Variants in FGF13 observed in about 807,000 individuals in gnomAD.
FGF13 encodes the protein fibroblast growth factor 13.
In FGF13, 2 loss-of-function variants were observed where a neutral mutation model predicts 19.5. The observed-to-expected ratio is 0.10, with a 90% CI of 0.04 to 0.32. The LOEUF is 0.32. Ranked by LOEUF, FGF13 falls within the 10% of genes least tolerant of loss-of-function variation. The pLI is 1.00. For missense variants in FGF13, 113 were observed against 192.7 expected (o/e 0.59, Z 2.45); for synonymous variants, 72 against 76.9 (o/e 0.94, Z 0.33).
intron 1 of FGF13, among the ~76,000 whole-genome samples, chrX:139,138,749 A>T (rs1487581775): frequency 1.8e-5 from 2 of 110,810 alleles, no homozygotes; most frequent in African/African-American, 6.6e-5. Flanking sequence ...TTCATATCTG[A>T]TCCTCCTGGC....
At chrX:138,742,172 C>T (rs754760812), upstream of FGF13, among the ~76,000 whole-genome samples, 2 of 112,329 alleles carry the variant, frequency 1.8e-5, no homozygotes, top group South Asian at 7.4e-4. Flanking sequence ...TACCCAGCTG[C>T]TTACATGTTC....
chrX:138,896,404 C>A (rs974007329), intron 1 of FGF13, among the ~76,000 whole-genome samples: 3 of 111,395 alleles, frequency 2.7e-5, no homozygotes, highest in African/African-American at 9.8e-5. Context: ...AGTCATAAAT[C>A]ATTTTCACCT....
intron 1 of FGF13, among the ~76,000 whole-genome samples, chrX:139,146,392 G>C (rs1207128419): frequency 6.8e-4 from 76 of 112,492 alleles, no homozygotes; most frequent in Non-Finnish European, 1.4e-3. Context: ...CCGGCCATCA[G>C]AGAAATGCAA....
intron 1 of FGF13, among the ~76,000 whole-genome samples, chrX:138,930,334 GTTCA>G (rs891373106): frequency 1.3e-4 from 15 of 112,187 alleles, no homozygotes; most frequent in African/African-American, 4.9e-4. Flanking sequence ...TAACTGCTGT[GTTCA>G]TTTATTTAGT....
chrX:138,761,569 A>G (rs2124330201), intron 3 of FGF13, among the ~76,000 whole-genome samples: 1 of 111,521 alleles, frequency 9.0e-6, no homozygotes, highest in East Asian at 2.9e-4. Context: ...GCACTTCCTC[A>G]TGATGTCTGC....
At chrX:138,797,538 C>A (rs7057018) in intron 3 of FGF13, among the ~76,000 whole-genome samples, 1 of 110,982 alleles carries the variant, frequency 9.0e-6, no homozygotes, top group African/African-American at 3.3e-5. Flanking sequence ...CTTGACTATA[C>A]GGGTTCTTTT....
chrX:139,167,874 T>C (rs150379372), intron 1 of FGF13, among the ~76,000 whole-genome samples: 1,989 of 112,262 alleles, frequency 0.018, 46 homozygotes, highest in African/African-American at 0.06. Context: ...ATAAGTGCTG[T>C]GGATTAATAA....
intron 1 of FGF13, among the ~76,000 whole-genome samples, chrX:138,734,738 T>C (rs981443951): frequency 1.8e-5 from 2 of 111,934 alleles, no homozygotes; most frequent in Non-Finnish European, 3.8e-5. Context: ...TTTTGTGTTA[T>C]TTTGGTTATA....
At chrX:139,204,113 C>T, upstream of FGF13, 1 of 1,209,891 alleles carries the variant, frequency 8.3e-7, no homozygotes. Context: ...CTCATAGATC[C>T]CAGCTTGCTT....
rs1230481377 is a variant in FGF13, at chrX:138,630,119, ATTAAT to A, written c.*2726_*2730del. ...AGGTTTGAGGACTATTTATTTACTT[ATTAAT>A]TTATTTTAACACCACTGTCTGTTTA... On this transcript the variant is annotated 3_prime_UTR_variant, in exon 5 of 5. Coordinates refer to ENST00000315930, the MANE Select transcript of FGF13 (RefSeq NM_004114.5). The A allele has an allele frequency of 9.0e-6, 1 of 110,715 alleles. No individual in the cohort carries two copies. The highest frequency in any genetic ancestry group is 1.9e-5 in the Non-Finnish European group (1 of 52,971). The allele number at this position is 110,715 out of a possible 1,213,427, so 9.1% of individuals were successfully genotyped here. A position where few individuals can be genotyped will look rare whatever the true frequency, so the allele number is the denominator to read the frequency against.
Position 138,969,946 on chromosome X carries a change from G to A in FGF13, c.-112-105296C>T, listed in dbSNP as rs140543946. Among the ~76,000 whole-genome samples, 354 of 111,831 alleles carry A rather than the reference G, an allele frequency of 3.2e-3. 3 individuals are homozygous for A. Among genetic ancestry groups the A allele is most frequent in the Middle Eastern group, 0.019 (4 of 215 alleles). On this transcript the variant is annotated intron_variant, in intron 1 of 2. Coordinates refer to the FGF13 transcript ENST00000421460. ...ACAATCTTAGACTAAAATAAGTGAA[G>A]CTATAGAGAATTGAGTGTGCGTGTC... is the stretch of plus-strand genomic sequence containing the variant.
In FGF13 at chrX:138,711,178, T is replaced by C; in HGVS notation, c.-175A>G. On this transcript the variant is annotated 5_prime_UTR_variant, in exon 1 of 5. It removes an upstream start codon present in the reference 5' UTR. Coordinates refer to ENST00000315930, the MANE Select transcript of FGF13 (RefSeq NM_004114.5). ...CTTCAGCCAAGGAGGGGGCTCAGCA[T>C]GCCGTCCGAGCTCCTCCGGCGGCGG... 2 of 1,067,934 alleles carry C rather than the reference T, an allele frequency of 1.9e-6. No individual in the cohort carries two copies. Among genetic ancestry groups the C allele is most frequent in the Non-Finnish European group, 1.2e-6 (1 of 830,969 alleles). The allele number at this position is 1,067,934 out of a possible 1,213,427, so 88.0% of individuals were successfully genotyped here.
chrX:138,670,764 T>C (rs1335085946), intron 3 of FGF13, among the ~76,000 whole-genome samples: 1 of 111,845 alleles, frequency 8.9e-6, no homozygotes, highest in Non-Finnish European at 1.9e-5. Context: ...CAAACTTTTC[T>C]GGAATACTCA....
At chrX:138,855,728 C>A (rs1399820213), downstream of FGF13, among the ~76,000 whole-genome samples, 1 of 111,745 alleles carries the variant, frequency 8.9e-6, no homozygotes, top group South Asian at 3.7e-4. Context: ...ATATTCATAA[C>A]AGTATTTACA....
chrX:139,086,432 G>A (rs2083403783), intron 1 of FGF13, among the ~76,000 whole-genome samples: 1 of 112,276 alleles, frequency 8.9e-6, no homozygotes, highest in Admixed American at 9.5e-5. Flanking sequence ...AAGTGTCTGG[G>A]AACTAGATAG....
chrX:138,779,999 G>A lies in FGF13; in HGVS notation c.218-71071C>T, dbSNP rs1244968864. On this transcript the variant is annotated intron_variant, in intron 3 of 6. Coordinates refer to the FGF13 transcript ENST00000436198. ...AACCCTACAAGCCAGAAGAGAGTGG[G>A]GGCCAATATTCAACATTCTTAAAGA... 6.9e-5 allele frequency among the ~76,000 whole-genome samples: 7 copies of A among 101,301 alleles called. No individual in the cohort carries two copies. In the South Asian group the frequency reaches 2.6e-3, roughly 38 times the overall value. 88.0% of individuals were successfully genotyped at this position (101,301 alleles called of 115,157 possible).
intron 1 of FGF13, among the ~76,000 whole-genome samples, chrX:139,138,926 CTT>C (rs758384021): frequency 0.025 from 2,136 of 85,460 alleles, 58 homozygotes; most frequent in African/African-American, 0.088. Context: ...TGTTATTTAT[CTT>C]TTTTTTTTTT....
At position 139,065,498 on chromosome X, in the gene FGF13, A is replaced by AAG. The variant is rs1556350639; in HGVS notation, c.-113+137917_-113+137918insCT. ...ACGGAAAGCAAAAAAAAAAAAAAGA[A>AAG]AAAGAAAAAAGAAAGGGGGGTTGCA... is the stretch of plus-strand genomic sequence containing the variant. On this transcript the variant is annotated intron_variant, in intron 1 of 2. Transcript: ENST00000421460. Among the ~76,000 whole-genome samples the AAG allele has an allele frequency of 5.3e-3, 444 of 84,199 alleles. 6 individuals carry two copies. Among genetic ancestry groups the AAG allele is most frequent in the Non-Finnish European group, 7.8e-3 (335 of 43,162 alleles). The allele number at this position is 84,199 out of a possible 115,157, so 73.1% of individuals were successfully genotyped here. A position where few individuals can be genotyped will look rare whatever the true frequency, so the allele number is the denominator to read the frequency against.
At chrX:138,782,646 G>GTAGTTT (rs1784731371) in intron 3 of FGF13, among the ~76,000 whole-genome samples, 1 of 87,951 alleles carries the variant, frequency 1.1e-5, no homozygotes, top group Non-Finnish European at 2.2e-5. Flanking sequence ...ACAAACCACT[G>GTAGTTT]CTCAAGGAAA....
Sources: gnomAD v4.1 joint callset for allele counts (sites outside exome capture counted in the v4.1 genomes callset) on GRCh38, gnomAD v4.1.1 for gene constraint, MANE v1.5 for transcripts, NCBI Gene and HGNC (gene_info 2026-07-23, HGNC 2026-07-21) for gene names.